BLVRA: variants seen among roughly 807,000 people sequenced by gnomAD.
BLVRA encodes the protein BVR A.
BLVRA carries 22 observed loss-of-function variants against 32.8 expected under a neutral mutation model. The ratio of observed to expected loss-of-function variants is 0.67; its 90% CI spans 0.48 to 0.96. The LOEUF is 0.96. Among genes scored for constraint, BLVRA ranks in the 40% least tolerant of loss-of-function variants. BLVRA has a pLI of 0.00. For synonymous variants in BLVRA, 119 were observed against 141.3 expected, an observed-to-expected ratio of 0.84 and a Z score of 1.12; for missense variants, 323 against 358.1, an observed-to-expected ratio of 0.90 and a Z score of 0.79.
chr7:43,799,884 C>A (rs1312802558), intron 5 of BLVRA, among the ~76,000 whole-genome samples: 1 of 152,230 alleles, frequency 6.6e-6, no homozygotes, highest in Non-Finnish European at 1.5e-5. Context: ...TGCCTTTGGA[C>A]ACAGGTAGAT....
intron 2 of BLVRA, among the ~76,000 whole-genome samples, chr7:43,776,343 CT>C: frequency 6.6e-6 from 1 of 152,298 alleles, no homozygotes; most frequent in Non-Finnish European, 1.5e-5. Context: ...TATGTTGTGT[CT>C]TTATTCTCAT....
At position 43,787,854 on chromosome 7, in the gene BLVRA, C is replaced by G; in HGVS notation, c.13-50C>G. ...AGCTCCTTTGTTTTGTAGTTTTCTG[C>G]TCGATGCCTACAGTGTTTTCAGACT... On this transcript the variant is annotated intron_variant, in intron 2 of 7. Transcript: ENST00000265523. This position sits in a 1 kb window ranked among gnomAD's most constrained non-coding sequence, Gnocchi z 4.5. 1 of 1,614,068 alleles carries G rather than the reference C, an allele frequency of 6.2e-7. No homozygotes were observed.
Position 43,787,957 on chromosome 7 carries a change from G to A in BLVRA, c.66G>A (p.Val22=). ...VVVGVGRAGS[V]RMRDLRNPHP... is the part of the protein sequence containing the mutation. Reference sequence around the variant, plus strand: ...TTGGTGTTGGCCGAGCCGGCTCCGTGCGGATGAGGGACTTGCGGAATCCAC... The same window carrying A: ...TTGGTGTTGGCCGAGCCGGCTCCGTACGGATGAGGGACTTGCGGAATCCAC... Residue 22 remains valine, a synonymous_variant, in exon 3 of 8, where the codon GTG becomes GTA. Coordinates refer to ENST00000265523, the MANE Select transcript of BLVRA (RefSeq NM_000712.4). This position sits in a 1 kb window ranked among gnomAD's most constrained non-coding sequence, Gnocchi z 4.5. 1 of 1,614,208 alleles carries A rather than the reference G, an allele frequency of 6.2e-7. No individual in the cohort carries two copies.
chr7:43,795,895 A>G (rs2095792216), intron 5 of BLVRA, among the ~76,000 whole-genome samples: 1 of 151,994 alleles, frequency 6.6e-6, no homozygotes, highest in Non-Finnish European at 1.5e-5. Flanking sequence ...CACAAGGTCA[A>G]GAGTCCAAGA....
intron 6 of BLVRA, among the ~76,000 whole-genome samples, chr7:43,802,471 C>A (rs751455649): frequency 2.0e-5 from 3 of 152,004 alleles, no homozygotes; most frequent in Non-Finnish European, 4.4e-5. Context: ...AAATGGATTT[C>A]TCACACCAAT....
In BLVRA at chr7:43,773,852, C is replaced by G. The variant is rs139009769; in HGVS notation, c.12+2682C>G. 2.2e-3 allele frequency among the ~76,000 whole-genome samples: 341 copies of G among 152,300 alleles called. 4 individuals carry two copies. Among genetic ancestry groups the G allele is most frequent in the East Asian group, 0.015 (77 of 5,192 alleles). On this transcript the variant is annotated intron_variant, in intron 2 of 7. Coordinates refer to ENST00000265523, the MANE Select transcript of BLVRA (RefSeq NM_000712.4). ...CATTCTAACTGGTGTGAGATGGCAT[C>G]TTATTGTGGTTTTGATTTGCATTTC... is the stretch of plus-strand genomic sequence containing the variant.
In BLVRA at chr7:43,787,922, G is replaced by A. The variant is rs201359042; in HGVS notation, c.31G>A (p.Val11Met). 33 of 1,614,056 alleles carry A rather than the reference G, an allele frequency of 2.0e-5. No individual in the cohort carries two copies. The highest frequency in any genetic ancestry group is 2.6e-5 in the Non-Finnish European group (31 of 1,180,038). MNAEPERKFG[V>M]VVVGVGRAGS... ...GTTTCAGCCCGAGAGGAAGTTTGGC[G>A]TGGTGGTGGTTGGTGTTGGCCGAGC... Residue 11 changes from valine to methionine, a missense_variant, in exon 3 of 8, where the codon GTG (valine) becomes ATG (methionine). By Grantham distance (21) the Val-to-Met change is conservative. Transcript: ENST00000265523. This position sits in a 1 kb window ranked among gnomAD's most constrained non-coding sequence, Gnocchi z 4.5.
rs763261139 is a variant in BLVRA, at chr7:43,798,591, T to C, written c.353-1874T>C. 3.3e-5 allele frequency among the ~76,000 whole-genome samples: 5 copies of C among 152,222 alleles called. 1 individual carries two copies. The highest frequency in any genetic ancestry group is 7.3e-5 in the Non-Finnish European group (5 of 68,038). On this transcript the variant is annotated intron_variant, in intron 5 of 7. Coordinates refer to ENST00000265523, the MANE Select transcript of BLVRA (RefSeq NM_000712.4). The stretch of plus-strand genomic sequence containing the variant: ...CCAGCTCCCTTGTCATTTTGTTATG[T>C]TTCCATTATTCTTTGAATTCTTGCT...
intron 6 of BLVRA, among the ~76,000 whole-genome samples, chr7:43,803,378 C>A (rs1302996736): frequency 3.3e-5 from 5 of 151,806 alleles, no homozygotes; most frequent in African/African-American, 1.2e-4. Flanking sequence ...AAGCCTGAAA[C>A]TTTTTTATTA....
intron 1 of BLVRA, chr7:43,767,390 C>T: frequency 6.2e-7 from 1 of 1,601,146 alleles, no homozygotes; most frequent in Admixed American, 1.7e-5. Context: ...CTGTTCTTCA[C>T]AGCTTTAATG....
chr7:43,759,988 A>ATTTTTTTTT (rs57266558), intron 1 of BLVRA: 36 of 122,008 alleles, frequency 3.0e-4, no homozygotes, highest in African/African-American at 1.1e-3. Flanking sequence ...TTCATATGTA[A>ATTTTTTTTT]TTTTTTTTTT....
Position 43,792,621 on chromosome 7 carries a change from A to T in BLVRA, c.255-94A>T, listed in dbSNP as rs189102511. On this transcript the variant is annotated intron_variant, in intron 4 of 7. Coordinates refer to ENST00000265523, the MANE Select transcript of BLVRA (RefSeq NM_000712.4). The stretch of plus-strand genomic sequence containing the variant: ...GACACATTCACACACAGAAACTCTC[A>T]TGCCTTTATAACATTCTGTTCTCTA... 3.8e-5 allele frequency: 46 copies of T among 1,224,868 alleles called. No homozygotes were observed. In the Middle Eastern group the frequency reaches 1.1e-3, roughly 30 times the overall value. The allele number at this position is 1,224,868 out of a possible 1,614,324, so 75.9% of individuals were successfully genotyped here. A position where few individuals can be genotyped will look rare whatever the true frequency, so the allele number is the denominator to read the frequency against.
chr7:43,771,103 A>G, intron 1 of BLVRA, 35 bp from the exon 2 acceptor site: 1 of 1,608,504 alleles, frequency 6.2e-7, no homozygotes, highest in Non-Finnish European at 8.5e-7. Context: ...GGCAGGTGCC[A>G]CCAGGGACCT....
chr7:43,783,088 T>G (rs1243980780), intron 2 of BLVRA, among the ~76,000 whole-genome samples: 2 of 152,178 alleles, frequency 1.3e-5, no homozygotes, highest in Non-Finnish European at 2.9e-5. Context: ...AATTCTCACC[T>G]TCCTAGAGCA....
At chr7:43,771,204 C>A in intron 2 of BLVRA, 34 bp downstream of exon 2, 1 of 1,609,814 alleles carries the variant, frequency 6.2e-7, no homozygotes, top group South Asian at 1.1e-5. Context: ...TTAAGGGATG[C>A]TTTTCTTATT....
intron 2 of BLVRA, among the ~76,000 whole-genome samples, chr7:43,778,965 A>T (rs2095765265): frequency 6.6e-6 from 1 of 152,386 alleles, no homozygotes; most frequent in African/African-American, 2.4e-5. Context: ...AGCCATGTGC[A>T]GAATATAATC....
intron 5 of BLVRA, among the ~76,000 whole-genome samples, chr7:43,793,451 A>G (rs1050306879): frequency 1.3e-5 from 2 of 152,126 alleles, no homozygotes; most frequent in Admixed American, 6.6e-5. Context: ...TTAAGTTCAC[A>G]TTTGTTCCCC....
intron 1 of BLVRA, among the ~76,000 whole-genome samples, chr7:43,759,135 GCCGCTAGCTCGGCCGGGAC>G (rs1378517447): frequency 6.6e-6 from 1 of 152,220 alleles, no homozygotes; most frequent in Admixed American, 6.5e-5. Context: ...CCACCGCAGG[GCCGCTAGCTCGGCCGGGAC>G]CCGCCTGGGA....
intron 2 of BLVRA, among the ~76,000 whole-genome samples, chr7:43,783,991 A>T (rs992458405): frequency 6.8e-6 from 1 of 146,838 alleles, no homozygotes; most frequent in Non-Finnish European, 1.5e-5. Context: ...GGCAGAGCAC[A>T]TTCCTAACTA....
Sources: gnomAD v4.1 joint callset for allele counts (sites outside exome capture counted in the v4.1 genomes callset) on GRCh38, gnomAD v4.1.1 for gene constraint, Gnocchi (gnomAD v3.1) non-coding constraint, MANE v1.5 for transcripts, NCBI Gene and HGNC (gene_info 2026-07-23, HGNC 2026-07-21) for gene names.